The following DNAAF11 variants were observed in gnomAD, a reference collection of about 807,000 sequenced individuals.
DNAAF11 encodes the protein leucine rich repeat containing 6.
A neutral mutation model predicts 60.8 loss-of-function variants in DNAAF11; 45 were observed. The observed-to-expected ratio is 0.74, with a 90% confidence interval of 0.58 to 0.95. The LOEUF (loss-of-function observed/expected upper bound fraction) is 0.95. Among genes scored for constraint, DNAAF11 ranks in the 40% least tolerant of loss-of-function variants. The probability of loss-of-function intolerance (pLI) is 0.00; values close to 1 mark genes in which losing one functional copy is unlikely to be tolerated. For synonymous variants in DNAAF11, 191 were observed against 183.5 expected (o/e 1.04, Z -0.33); for missense variants, 546 against 546.2 (o/e 1.00, Z 0.00).
chr8:132,598,806 C>A (rs1817288672), intron 10 of DNAAF11, among the ~76,000 whole-genome samples: 1 of 152,046 alleles, frequency 6.6e-6, no homozygotes, highest in Non-Finnish European at 1.5e-5. Context: ...GCACTGAATG[C>A]CCACAAGAGA....
chr8:132,673,542 C>A (rs575545946), intron 1 of DNAAF11, among the ~76,000 whole-genome samples: 3 of 152,276 alleles, frequency 2.0e-5, no homozygotes, highest in African/African-American at 4.8e-5. Flanking sequence ...CCTGTATGAG[C>A]GGATCCCTGC....
chr8:132,677,557 A>G (rs1273558647), upstream of DNAAF11, among the ~76,000 whole-genome samples: 2 of 152,302 alleles, frequency 1.3e-5, no homozygotes, highest in Non-Finnish European at 2.9e-5. Context: ...CTAAGCTTCT[A>G]TCCTCACTCT....
Position 132,661,315 on chromosome 8 carries a change from C to G in DNAAF11, c.178+145G>C, listed in dbSNP as rs944505927. ...CAGAAATGTTCAGGGAAACGCCCCC[C>G]ACACAACCACTGAGAGATGGCTGTG... On this transcript the variant is annotated intron_variant, in intron 2 of 11. Transcript: ENST00000620350. 1.2e-5 allele frequency: 8 copies of G among 672,828 alleles called. No homozygotes were observed. In the African/African-American group the frequency reaches 1.5e-4, roughly 12 times the overall value. 41.7% of individuals were successfully genotyped at this position (672,828 alleles called of 1,614,324 possible). A position where few individuals can be genotyped will look rare whatever the true frequency, so the allele number is the denominator to read the frequency against.
chr8:132,614,516 T>C (rs1045413890), intron 8 of DNAAF11, among the ~76,000 whole-genome samples: 1 of 152,036 alleles, frequency 6.6e-6, no homozygotes, highest in African/African-American at 2.4e-5. Context: ...GGACAATAGT[T>C]TGGGTGTGGT....
intron 10 of DNAAF11, among the ~76,000 whole-genome samples, chr8:132,602,744 AATAT>A (rs35316805): frequency 5.2e-4 from 74 of 141,776 alleles, no homozygotes; most frequent in African/African-American, 7.2e-4. Context: ...CTTAATTTGA[AATAT>A]ATATATATAT....
chr8:132,699,416 A>G, the DNAAF11 span, among the ~76,000 whole-genome samples: 1 of 152,136 alleles, frequency 6.6e-6, no homozygotes, highest in African/African-American at 2.4e-5. Context: ...AAGCAAGAGG[A>G]AATGTAAGGT....
At chr8:132,639,901 A>G (rs186348258) in intron 3 of DNAAF11, among the ~76,000 whole-genome samples, 1 of 152,316 alleles carries the variant, frequency 6.6e-6, no homozygotes, top group Non-Finnish European at 1.5e-5. Flanking sequence ...TATGTCTAAC[A>G]TAGAGAAAAG....
intron 9 of DNAAF11, among the ~76,000 whole-genome samples, chr8:132,610,931 A>G (rs1017614887): frequency 3.3e-5 from 5 of 152,014 alleles, no homozygotes; most frequent in East Asian, 3.9e-4. Context: ...TCTCACTCCA[A>G]TAGCCCAGGC....
chr8:132,635,022 T>G (rs77437302), intron 4 of DNAAF11, among the ~76,000 whole-genome samples: 5,950 of 152,256 alleles, frequency 0.039, 168 homozygotes, highest in Middle Eastern at 0.054. Flanking sequence ...CCTAAAAGGC[T>G]ATGACAACTG....
intron 10 of DNAAF11, among the ~76,000 whole-genome samples, chr8:132,585,252 G>T (rs1267430574): frequency 4.6e-5 from 7 of 152,126 alleles, no homozygotes; most frequent in Admixed American, 4.6e-4. Flanking sequence ...ATCATACAGT[G>T]GTGCAAGACT....
chr8:132,646,931 T>C (rs1822457922), intron 3 of DNAAF11, among the ~76,000 whole-genome samples: 1 of 152,136 alleles, frequency 6.6e-6, no homozygotes, highest in African/African-American at 2.4e-5. Flanking sequence ...ATTAGACAGA[T>C]CAATGAGACA....
intron 5 of DNAAF11, among the ~76,000 whole-genome samples, chr8:132,629,083 T>A (rs1222629591): frequency 1.3e-5 from 2 of 152,116 alleles, no homozygotes; most frequent in Non-Finnish European, 2.9e-5. Context: ...TCAAGGATGG[T>A]TTAATATTAG....
chr8:132,606,835 G>C (rs1328407497), intron 10 of DNAAF11, among the ~76,000 whole-genome samples: 1 of 152,166 alleles, frequency 6.6e-6, no homozygotes, highest in African/African-American at 2.4e-5. Flanking sequence ...AAAGCATACA[G>C]AATATGAGTA....
chr8:132,599,493 A>G (rs1817372828), intron 10 of DNAAF11, among the ~76,000 whole-genome samples: 1 of 152,212 alleles, frequency 6.6e-6, no homozygotes, highest in African/African-American at 2.4e-5. Context: ...TCAGGCCAAT[A>G]TCCCTGATGA....
chr8:132,690,930 G>A, the DNAAF11 span, among the ~76,000 whole-genome samples: 8 of 152,160 alleles, frequency 5.3e-5, no homozygotes, highest in South Asian at 2.1e-4. Flanking sequence ...CACTGCTTAC[G>A]TTGGCCTTGA....
In DNAAF11 at chr8:132,570,509, G is replaced by A. The variant is rs1814079097; in HGVS notation, c.*1797C>T. ...CTATGTGGAAATTAAATACAGTCCT[G>A]ACAAATGTACATGATTTCCAAGTTG... On this transcript the variant is annotated 3_prime_UTR_variant, in exon 12 of 12. Coordinates refer to ENST00000620350, the MANE Select transcript of DNAAF11 (RefSeq NM_012472.6). Among the ~76,000 whole-genome samples, 2 of 152,152 alleles carry A rather than the reference G, an allele frequency of 1.3e-5. No homozygotes were observed.
intron 10 of DNAAF11, among the ~76,000 whole-genome samples, chr8:132,588,059 C>T (rs979885545): frequency 1.3e-5 from 2 of 152,178 alleles, no homozygotes; most frequent in African/African-American, 4.8e-5. Flanking sequence ...ATACAGTAAA[C>T]TGATGCAATG....
At chr8:132,652,604 T>G (rs1366108734) in intron 3 of DNAAF11, among the ~76,000 whole-genome samples, 1 of 152,152 alleles carries the variant, frequency 6.6e-6, no homozygotes, top group Non-Finnish European at 1.5e-5. Flanking sequence ...TGGAATACTA[T>G]GCAGCCATAA....
intron 3 of DNAAF11, among the ~76,000 whole-genome samples, chr8:132,641,139 G>T (rs967563324): frequency 6.6e-6 from 1 of 152,122 alleles, no homozygotes; most frequent in Non-Finnish European, 1.5e-5. Flanking sequence ...TCATTAGAAT[G>T]TTAAAACCAG....
Sources: allele counts gnomAD v4.1 joint callset (sites outside exome capture counted in the v4.1 genomes callset), GRCh38; gene constraint gnomAD v4.1.1; transcripts MANE v1.5; gene names NCBI Gene and HGNC (gene_info 2026-07-23, HGNC 2026-07-21).